Variants in SCFD2 observed in about 807,000 individuals in gnomAD.
SCFD2 encodes the protein sec1 family domain containing 2.
Under a neutral mutation model 58.9 loss-of-function variants are expected in SCFD2, and 54 were observed. The observed-to-expected ratio is 0.92, with a 90% confidence interval of 0.74 to 1.15. SCFD2 has a LOEUF of 1.15. Ranked by LOEUF, SCFD2 falls within the 50% of genes most tolerant of loss-of-function variation. The pLI is 0.00. For missense variants in SCFD2, 805 were observed against 836.6 expected, an observed-to-expected ratio of 0.96 and a Z score of 0.47; for synonymous variants, 321 against 335.9, an observed-to-expected ratio of 0.96 and a Z score of 0.49.
At chr4:53,002,501 C>T (rs1471796639) in intron 5 of SCFD2, among the ~76,000 whole-genome samples, 1 of 152,102 alleles carries the variant, frequency 6.6e-6, no homozygotes, top group Non-Finnish European at 1.5e-5. Flanking sequence ...TTAACAACAA[C>T]CACTACTAGG....
intron 5 of SCFD2, among the ~76,000 whole-genome samples, chr4:53,006,672 G>C (rs777460464): frequency 5.9e-5 from 9 of 152,168 alleles, no homozygotes; most frequent in Non-Finnish European, 1.0e-4. Context: ...TTAAAATATA[G>C]ACTGTCCTCC....
intron 4 of SCFD2, among the ~76,000 whole-genome samples, chr4:53,272,381 G>A (rs980848093): frequency 6.6e-6 from 1 of 152,092 alleles, no homozygotes; most frequent in African/African-American, 2.4e-5. Context: ...AAATCATGCC[G>A]CTATAAAGAC....
intron 5 of SCFD2, chr4:52,950,758 C>T (rs1397990338): frequency 6.6e-6 from 1 of 152,074 alleles, no homozygotes; most frequent in Non-Finnish European, 1.5e-5. Flanking sequence ...ACCCCAGAAG[C>T]CTTTCAAACA....
At chr4:53,182,704 T>G (rs1359051995) in intron 4 of SCFD2, among the ~76,000 whole-genome samples, 8 of 151,922 alleles carry the variant, frequency 5.3e-5, no homozygotes, top group African/African-American at 1.2e-4. Flanking sequence ...ACTACCATCA[T>G]AGTCAACAGG....
chr4:53,109,168 C>T (rs1200453068), intron 5 of SCFD2, among the ~76,000 whole-genome samples: 2 of 152,130 alleles, frequency 1.3e-5, no homozygotes, highest in African/African-American at 4.8e-5. Context: ...ATTCAACACC[C>T]CTTCATGCTA....
At chr4:52,902,452 T>G (rs1719227440) in intron 7 of SCFD2, among the ~76,000 whole-genome samples, 1 of 152,220 alleles carries the variant, frequency 6.6e-6, no homozygotes, top group Admixed American at 6.5e-5. Context: ...TGTTTGTGAC[T>G]TCTTCTTTGG....
chr4:53,176,947 C>CAA (rs3064988), intron 4 of SCFD2, among the ~76,000 whole-genome samples: 2 of 124,706 alleles, frequency 1.6e-5, no homozygotes, highest in Non-Finnish European at 1.7e-5. Context: ...ACAACAATCT[C>CAA]AAAAAAAAAA....
chr4:53,227,338 G>C (rs1239923726), intron 4 of SCFD2, among the ~76,000 whole-genome samples: 1 of 152,152 alleles, frequency 6.6e-6, no homozygotes, highest in East Asian at 1.9e-4. Flanking sequence ...GATTTTTCCT[G>C]TCACAGCAAA....
At chr4:53,074,750 C>T (rs1288556605) in intron 5 of SCFD2, among the ~76,000 whole-genome samples, 1 of 152,104 alleles carries the variant, frequency 6.6e-6, no homozygotes, top group African/African-American at 2.4e-5. Flanking sequence ...TGGTTCTCCA[C>T]AGTAGGCTTA....
At chr4:53,155,707 C>T (rs1726658650) in intron 4 of SCFD2, among the ~76,000 whole-genome samples, 1 of 152,126 alleles carries the variant, frequency 6.6e-6, no homozygotes, top group African/African-American at 2.4e-5. Flanking sequence ...TTAAAGCCTG[C>T]TACTTAATAA....
intron 4 of SCFD2, among the ~76,000 whole-genome samples, chr4:53,267,328 TA>T (rs888969003): frequency 6.6e-6 from 1 of 152,154 alleles, no homozygotes; most frequent in Admixed American, 6.5e-5. Context: ...CCAAAGCCTG[TA>T]AAAGGGGCAG....
intron 5 of SCFD2, among the ~76,000 whole-genome samples, chr4:53,053,719 T>C (rs1198873031): frequency 2.0e-5 from 3 of 152,172 alleles, no homozygotes; most frequent in African/African-American, 7.2e-5. Context: ...AACACCCTCC[T>C]GTTCCTCAGG....
chr4:53,161,862 A>C (rs1726863153), intron 4 of SCFD2, among the ~76,000 whole-genome samples: 1 of 152,172 alleles, frequency 6.6e-6, no homozygotes, highest in South Asian at 2.1e-4. Context: ...CAGCCTCTAA[A>C]AACCCAGGGT....
intron 5 of SCFD2, among the ~76,000 whole-genome samples, chr4:53,137,178 T>C (rs1725967538): frequency 6.6e-6 from 1 of 152,068 alleles, no homozygotes; most frequent in Non-Finnish European, 1.5e-5. Context: ...GAGGTTGCCA[T>C]GAAACCGAGA....
At chr4:53,063,915 C>G (rs1723584696) in intron 5 of SCFD2, among the ~76,000 whole-genome samples, 1 of 152,080 alleles carries the variant, frequency 6.6e-6, no homozygotes, top group Admixed American at 6.6e-5. Context: ...CATCAACTGT[C>G]TAGCCCGGAT....
chr4:53,069,755 C>T (rs1439945318), intron 5 of SCFD2, among the ~76,000 whole-genome samples: 2 of 151,892 alleles, frequency 1.3e-5, no homozygotes, highest in Non-Finnish European at 2.9e-5. Context: ...CCTTTAATCC[C>T]ATCATCCCAA....
At chr4:52,881,179 A>T (rs1170641250) in intron 8 of SCFD2, among the ~76,000 whole-genome samples, 1 of 152,246 alleles carries the variant, frequency 6.6e-6, no homozygotes, top group Non-Finnish European at 1.5e-5. Context: ...GCAGGTGGGC[A>T]TGTGGTTTCT....
At chr4:53,001,496 T>C (rs1190317824) in intron 5 of SCFD2, among the ~76,000 whole-genome samples, 1 of 152,242 alleles carries the variant, frequency 6.6e-6, no homozygotes, top group Non-Finnish European at 1.5e-5. Context: ...TTTTTATTAC[T>C]TGTAAAAGGA....
At chr4:53,190,371 G>T (rs1261352607) in intron 4 of SCFD2, among the ~76,000 whole-genome samples, 1 of 152,210 alleles carries the variant, frequency 6.6e-6, no homozygotes, top group East Asian at 1.9e-4. Context: ...CCAGCCACAT[G>T]GGCATCCTTG....
Sources: gnomAD v4.1 joint callset for allele counts (sites outside exome capture counted in the v4.1 genomes callset) on GRCh38, gnomAD v4.1.1 for gene constraint, MANE v1.5 for transcripts, NCBI Gene and HGNC (gene_info 2026-07-23, HGNC 2026-07-21) for gene names.